FMO5: variants seen among roughly 807,000 people sequenced by gnomAD.
FMO5 encodes flavin-containing monooxygenase 5.
In FMO5, 51 loss-of-function variants were observed where a neutral mutation model predicts 43.6. The ratio of observed to expected loss-of-function variants is 1.17; its 90% CI spans 0.93 to 1.48. FMO5 has a LOEUF of 1.48. FMO5 is among the 40% of genes most tolerant of loss of function. The pLI is 0.00. For synonymous variants in FMO5, 187 were observed against 216.5 expected (o/e 0.86, Z 1.20); for missense variants, 644 against 643.0 (o/e 1.00, Z -0.02).
At chr1:147,204,618 C>G in intron 6 of FMO5, 1 of 1,592,240 alleles carries the variant, frequency 6.3e-7, no homozygotes, top group Non-Finnish European at 8.6e-7. Flanking sequence ...CGGCAAATAC[C>G]AGAACAATGT....
chr1:147,214,707 G>A (rs587660367), intron 3 of FMO5: 4 of 151,984 alleles, frequency 2.6e-5, no homozygotes, highest in East Asian at 1.9e-4. Flanking sequence ...TCTTTCCTCC[G>A]AGCTGCAACG....
At chr1:147,208,821 C>G in intron 6 of FMO5, 31 bp downstream of exon 6, 3 of 1,586,110 alleles carry the variant, frequency 1.9e-6, no homozygotes, top group Middle Eastern at 1.7e-4. Flanking sequence ...GCTTTGGCCA[C>G]TATCCCTGCA....
In FMO5 at chr1:147,208,974, G is replaced by A; in HGVS notation, c.708C>T (p.Phe236=). The A allele has an allele frequency of 6.2e-7, 1 of 1,614,022 alleles. No homozygotes were observed. The highest frequency in any genetic ancestry group is 8.5e-7 in the Non-Finnish European group (1 of 1,179,936). The stretch of plus-strand genomic sequence containing the variant: ...ATATAAAATGTGTAAGTCGAGAAGA[G>A]AACAACACATCAGCAGGATATCCGT... ...GDYGYPADVL[F]SSRLTHFIWK... is the part of the protein sequence containing the mutation. The change falls in exon 6 of 9, where the codon TTC becomes TTT. Residue 236 remains phenylalanine (F), a synonymous_variant. Coordinates refer to ENST00000254090, the MANE Select transcript of FMO5 (RefSeq NM_001461.4).
chr1:147,195,321 C>T (rs587754275), intron 7 of FMO5, among the ~76,000 whole-genome samples: 12 of 152,078 alleles, frequency 7.9e-5, no homozygotes, highest in South Asian at 4.1e-4. Flanking sequence ...TTAGTAGAGA[C>T]GAGGTTTCAC....
intron 2 of FMO5, chr1:147,223,851 A>G (rs1187147606): frequency 9.3e-6 from 3 of 321,946 alleles, no homozygotes; most frequent in African/African-American, 2.2e-5. Flanking sequence ...ACGCGGGCCC[A>G]CAAGCACAGA....
chr1:147,199,697 A>C (rs587685527), intron 7 of FMO5, among the ~76,000 whole-genome samples: 23 of 152,332 alleles, frequency 1.5e-4, no homozygotes, highest in Admixed American at 5.2e-4. Flanking sequence ...GAATTAGGCC[A>C]ACTTAATGGG....
intron 3 of FMO5, among the ~76,000 whole-genome samples, chr1:147,214,550 C>G (rs1285214890): frequency 6.6e-6 from 1 of 151,982 alleles, no homozygotes; most frequent in Non-Finnish European, 1.5e-5. Flanking sequence ...TTCTTTTACA[C>G]AGGCTGGTGC....
chr1:147,188,486 T>TCACTC (rs1358464160), intron 8 of FMO5, among the ~76,000 whole-genome samples: 1 of 140,128 alleles, frequency 7.1e-6, no homozygotes, highest in Non-Finnish European at 1.5e-5. Flanking sequence ...TCACACCACT[T>TCACTC]CACTCCAGCC....
chr1:147,202,605 A>G (rs1659227546), intron 6 of FMO5, among the ~76,000 whole-genome samples: 1 of 152,188 alleles, frequency 6.6e-6, no homozygotes, highest in African/African-American at 2.4e-5. Flanking sequence ...GGCGTGAGCC[A>G]CAGCACCTGG....
intron 8 of FMO5, 99 bp from the exon 9 acceptor site, chr1:147,187,344 A>G: frequency 1.3e-6 from 1 of 788,066 alleles, no homozygotes; most frequent in Non-Finnish European, 2.0e-6. Flanking sequence ...TCAATATCAG[A>G]CTAGGAGCTG....
chr1:147,187,117 T>A lies in FMO5; in HGVS notation c.1385A>T (p.His462Leu). 5 of 1,614,080 alleles carry A rather than the reference T, an allele frequency of 3.1e-6. No homozygotes were observed. Among genetic ancestry groups the A allele is most frequent in the Non-Finnish European group, 4.2e-6 (5 of 1,180,016 alleles). The change falls in exon 9 of 9, where the codon CAC becomes CTC. Residue 462 changes from histidine to leucine, a missense_variant. Transcript: ENST00000254090. Reference sequence around the variant, plus strand: ...TGGAGTGCAGGGTCCCAGTAATAAGTGTAATGCCAGCTTGGGGTCAGTGAA... The same window carrying A: ...TGGAGTGCAGGGTCCCAGTAATAAGAGTAATGCCAGCTTGGGGTCAGTGAA... ...LAFTDPKLAL[H>L]LLLGPCTPIH...
At chr1:147,195,476 G>C (rs1657822373) in intron 7 of FMO5, among the ~76,000 whole-genome samples, 1 of 152,116 alleles carries the variant, frequency 6.6e-6, no homozygotes, top group Non-Finnish European at 1.5e-5. Flanking sequence ...TCCTGTGGAA[G>C]ATAAGCTTCA....
At chr1:147,198,872 A>AAGAAAG (rs1658487458) in intron 7 of FMO5, among the ~76,000 whole-genome samples, 1 of 144,688 alleles carries the variant, frequency 6.9e-6, no homozygotes, top group African/African-American at 2.6e-5. Context: ...AAAAAAAAAA[A>AAGAAAG]AAAGAAAGAA....
intron 5 of FMO5, among the ~76,000 whole-genome samples, chr1:147,212,064 C>T (rs1398797198): frequency 6.6e-6 from 1 of 152,060 alleles, no homozygotes; most frequent in Non-Finnish European, 1.5e-5. Flanking sequence ...TTCTAACAAC[C>T]TCTCCCAGCA....
chr1:147,208,439 C>CTTTTTTTTTTTTTT (rs1660476323), intron 6 of FMO5: 1 of 19,602 alleles, frequency 5.1e-5, no homozygotes, highest in Non-Finnish European at 8.9e-5. Context: ...CTTTTCTTTT[C>CTTTTTTTTTTTTTT]TTTTCTTTTT....
chr1:147,193,139 T>G (rs1657231234), intron 7 of FMO5, among the ~76,000 whole-genome samples: 1 of 152,176 alleles, frequency 6.6e-6, no homozygotes, highest in Non-Finnish European at 1.5e-5. Context: ...CATCTGGTCC[T>G]GGACTCTTTT....
chr1:147,192,389 C>T (rs1553918767), intron 7 of FMO5, among the ~76,000 whole-genome samples: 4 of 152,126 alleles, frequency 2.6e-5, no homozygotes, highest in African/African-American at 7.2e-5. Flanking sequence ...TGAAGTTGCT[C>T]ATCAGCTTAA....
intron 2 of FMO5, among the ~76,000 whole-genome samples, chr1:147,217,101 G>A (rs1027135227): frequency 3.3e-5 from 5 of 152,094 alleles, no homozygotes; most frequent in Non-Finnish European, 5.9e-5. Flanking sequence ...TTAGCCGGGC[G>A]TGGTGGCGCA....
rs782088450 is a variant in FMO5, at chr1:147,201,484, G to A, written c.851C>T (p.Thr284Ile). The stretch of plus-strand genomic sequence containing the variant: ...ACGATTTGGCAGGTCATCATTTAAG[G>A]TTGGATGCTGACTCAGAGCTCTGTG... Reference protein sequence around the residue: ...PKHRALSQHPTLNDDLPNRII... With the variant: ...PKHRALSQHPILNDDLPNRII... Residue 284 changes from threonine to isoleucine, a missense_variant, in exon 7 of 9, where the codon ACC becomes ATC. Physicochemically the swap from Thr to Ile is moderately conservative, Grantham distance 89. Transcript: ENST00000254090. The A allele has an allele frequency of 1.5e-5, 25 of 1,613,492 alleles. No individual in the cohort carries two copies. The highest frequency in any genetic ancestry group is 2.0e-5 in the Non-Finnish European group (24 of 1,179,656).
Sources: allele counts gnomAD v4.1 joint callset (sites outside exome capture counted in the v4.1 genomes callset), GRCh38; gene constraint gnomAD v4.1.1; transcripts MANE v1.5; gene names NCBI Gene and HGNC (gene_info 2026-07-23, HGNC 2026-07-21).